Variants in RGS12 observed in about 807,000 individuals in gnomAD.
RGS12 encodes the protein regulator of G protein signaling 12.
Under a neutral mutation model 120.1 loss-of-function variants are expected in RGS12, and 66 were observed. The observed-to-expected ratio is 0.55, with a 90% CI of 0.45 to 0.67. The LOEUF (loss-of-function observed/expected upper bound fraction) is 0.67, where lower values mean the gene tolerates loss of function less well. Ranked by LOEUF, RGS12 falls within the 30% of genes least tolerant of loss-of-function variation. The pLI is 0.00. For missense variants in RGS12, 1,859 were observed against 1,957.7 expected, an observed-to-expected ratio of 0.95 and a Z score of 0.95; for synonymous variants, 827 against 804.7, an observed-to-expected ratio of 1.03 and a Z score of -0.47.
At chr4:3,436,235 G>C (rs912558951) in intron 17 of RGS12, among the ~76,000 whole-genome samples, 1 of 152,194 alleles carries the variant, frequency 6.6e-6, no homozygotes, top group Non-Finnish European at 1.5e-5. Flanking sequence ...GTGCGCTGTG[G>C]TGGGAAGGCT....
chr4:3,351,384 ATATAAACATT>A (rs1469972699), intron 3 of RGS12, among the ~76,000 whole-genome samples: 1 of 152,128 alleles, frequency 6.6e-6, no homozygotes, highest in East Asian at 1.9e-4. Flanking sequence ...CCCTTAGCTT[ATATAAACATT>A]TATAAAGTTT....
intron 3 of RGS12, among the ~76,000 whole-genome samples, chr4:3,363,150 C>T (rs768858658): frequency 5.0e-5 from 7 of 140,632 alleles, no homozygotes; most frequent in South Asian, 4.7e-4. Context: ...TGTGTGTGCG[C>T]GAGGGCGTGT....
chr4:3,393,728 G>C (rs932281304), intron 4 of RGS12, among the ~76,000 whole-genome samples: 3 of 152,192 alleles, frequency 2.0e-5, no homozygotes, highest in South Asian at 2.1e-4. Context: ...TCTGGCAGGA[G>C]GGGAAGGCCT....
intron 7 of RGS12, 27 bp from the exon 8 acceptor site, chr4:3,416,886 C>A: frequency 1.3e-6 from 2 of 1,570,584 alleles, no homozygotes; most frequent in Non-Finnish European, 1.7e-6. Context: ...CCTCCTGTGA[C>A]TGTCCCACCT....
At chr4:3,370,309 T>C (rs1716836220) in intron 3 of RGS12, 2 of 1,614,190 alleles carry the variant, frequency 1.2e-6, no homozygotes, top group Non-Finnish European at 8.5e-7. Flanking sequence ...CCCATGTTTC[T>C]AATGACCAGC....
chr4:3,373,601 C>T (rs1451685031), intron 3 of RGS12, among the ~76,000 whole-genome samples: 1 of 152,234 alleles, frequency 6.6e-6, no homozygotes, highest in African/African-American at 2.4e-5. Context: ...TCCTTTGGGA[C>T]CCCGAAGTGC....
chr4:3,288,042 G>A (rs139066262), upstream of RGS12, among the ~76,000 whole-genome samples: 523 of 152,338 alleles, frequency 3.4e-3, 3 homozygotes, highest in Middle Eastern at 0.024. This position sits in a 1 kb window ranked among gnomAD's most constrained non-coding sequence, Gnocchi z 5.2. Context: ...TCCCATGGCC[G>A]AGCCGTCGAG....
At chr4:3,373,906 T>C (rs1228615638) in intron 3 of RGS12, among the ~76,000 whole-genome samples, 2 of 152,246 alleles carry the variant, frequency 1.3e-5, no homozygotes, top group Non-Finnish European at 2.9e-5. Context: ...TACATTTCTA[T>C]TTTCACCTCT....
At chr4:3,413,937 A>G in intron 4 of RGS12, 135 bp from the exon 5 acceptor site, 1 of 852,968 alleles carries the variant, frequency 1.2e-6, no homozygotes, top group South Asian at 1.8e-5. Context: ...TGTGCTGTGC[A>G]TAGTTGTTGA....
At chr4:3,420,610 T>C (rs1722905797) in intron 9 of RGS12, 32 bp from the exon 10 acceptor site, 5 of 1,609,150 alleles carry the variant, frequency 3.1e-6, no homozygotes, top group African/African-American at 1.3e-5. Context: ...AGGGTTCTGA[T>C]TGACGTGAGT....
chr4:3,381,139 G>A (rs1718219962), intron 3 of RGS12, among the ~76,000 whole-genome samples: 1 of 151,850 alleles, frequency 6.6e-6, no homozygotes, highest in Non-Finnish European at 1.5e-5. Flanking sequence ...CTTTGCTAAA[G>A]CATAGCAGGA....
intron 17 of RGS12, chr4:3,432,077 T>G: frequency 1.0e-6 from 1 of 985,412 alleles, no homozygotes; most frequent in African/African-American, 1.7e-5. Flanking sequence ...ACCCCTGGCC[T>G]GAGTCCCCCT....
intron 1 of RGS12, among the ~76,000 whole-genome samples, chr4:3,303,211 G>T (rs779564302): frequency 1.3e-5 from 2 of 152,164 alleles, no homozygotes; most frequent in Non-Finnish European, 1.5e-5. Flanking sequence ...AGGACAAAGC[G>T]CTGGCAGCTG....
In RGS12 at chr4:3,389,888, G is replaced by A. The variant is rs565475396; in HGVS notation, c.2020+3451G>A. ...GCCTCACCCTGGGGACCCCCGACAC[G>A]TACTAGTCGCAGTCCTCCATCCCCA... On this transcript the variant is annotated intron_variant, in intron 4 of 17. Coordinates refer to ENST00000336727, the MANE Select transcript of RGS12 (RefSeq NM_001394154.1). This position sits in a 1 kb window ranked among gnomAD's most constrained non-coding sequence, Gnocchi z 5.2. 1.3e-5 allele frequency among the ~76,000 whole-genome samples: 2 copies of A among 152,250 alleles called. No individual in the cohort carries two copies. Among genetic ancestry groups the A allele is most frequent in the East Asian group, 1.9e-4 (1 of 5,172 alleles).
At position 3,416,118 on chromosome 4, in the gene RGS12, G is replaced by T. The variant is rs3213507; in HGVS notation, c.2424G>T (p.Leu808=). Reference sequence around the variant, plus strand: ...CAGACATGTTCAAGGAGCAGCAGCTGCAGGTAACCGCAGGCTGTGGGAGCT... The same window carrying T: ...CAGACATGTTCAAGGAGCAGCAGCTTCAGGTAACCGCAGGCTGTGGGAGCT... ...PHPDMFKEQQ[L]QIFNLMKFDS... Residue 808 remains leucine (L), a synonymous_variant, in exon 7 of 18, where the codon CTG becomes CTT. Transcript: ENST00000336727. The T allele has an allele frequency of 1.9e-6, 3 of 1,613,620 alleles. No homozygotes were observed. Among genetic ancestry groups the T allele is most frequent in the Non-Finnish European group, 2.5e-6 (3 of 1,179,860 alleles).
intron 3 of RGS12, among the ~76,000 whole-genome samples, chr4:3,344,620 A>C (rs1426929731): frequency 6.6e-6 from 1 of 152,096 alleles, no homozygotes; most frequent in Admixed American, 6.5e-5. Flanking sequence ...GTAAACTTCT[A>C]TCTCATGGTG....
intron 3 of RGS12, 120 bp downstream of exon 3, chr4:3,343,173 G>A (rs1170145155): frequency 4.5e-6 from 3 of 670,826 alleles, no homozygotes; most frequent in Non-Finnish European, 7.9e-6. Context: ...CTCCTCTGTA[G>A]TGGTAACCCC....
In RGS12 at chr4:3,390,264, C is replaced by T. The variant is rs1373952785; in HGVS notation, c.2020+3827C>T. On this transcript the variant is annotated intron_variant, in intron 4 of 17. Transcript: ENST00000336727. This position sits in a 1 kb window ranked among gnomAD's most constrained non-coding sequence, Gnocchi z 4.6. ...GTCAATTTCCTGCCCGTGCTAGGGG[C>T]AGCTTCCATCATTTTAATTATTCAT... is the stretch of plus-strand genomic sequence containing the variant. Among the ~76,000 whole-genome samples, 1 of 152,196 alleles carries T rather than the reference C, an allele frequency of 6.6e-6. No individual in the cohort carries two copies. Among genetic ancestry groups the T allele is most frequent in the Non-Finnish European group, 1.5e-5 (1 of 68,044 alleles).
chr4:3,382,775 A>C (rs1718398897), intron 3 of RGS12, among the ~76,000 whole-genome samples: 1 of 152,180 alleles, frequency 6.6e-6, no homozygotes, highest in Non-Finnish European at 1.5e-5. Flanking sequence ...CTTCCTATTG[A>C]ATCTTTAACT....
Sources: allele counts gnomAD v4.1 joint callset (sites outside exome capture counted in the v4.1 genomes callset), GRCh38; gene constraint gnomAD v4.1.1; non-coding constraint Gnocchi (gnomAD v3.1); transcripts MANE v1.5; gene names NCBI Gene and HGNC (gene_info 2026-07-23, HGNC 2026-07-21).